The following LGI2 variants were observed in gnomAD, a reference collection of about 807,000 sequenced individuals.
LGI2 encodes the protein leucine rich repeat LGI family member 2.
In LGI2, 30 loss-of-function variants were observed where a neutral mutation model predicts 52.0. That is an observed-to-expected ratio of 0.58 (90% CI 0.43 to 0.78). The LOEUF (loss-of-function observed/expected upper bound fraction) is 0.78. Among genes scored for constraint, LGI2 ranks in the 30% least tolerant of loss-of-function variants. LGI2 has a pLI of 0.00. For synonymous variants in LGI2, 270 were observed against 271.8 expected, an observed-to-expected ratio of 0.99 and a Z score of 0.06; for missense variants, 573 against 692.5, an observed-to-expected ratio of 0.83 and a Z score of 1.94.
chr4:25,016,764 G>A (rs1725776028), intron 6 of LGI2, among the ~76,000 whole-genome samples: 1 of 152,196 alleles, frequency 6.6e-6, no homozygotes, highest in African/African-American at 2.4e-5. Flanking sequence ...ATGATATTTT[G>A]TTCTTGGAGT....
At chr4:24,995,456 A>G (rs1725043074), downstream of LGI2, among the ~76,000 whole-genome samples, 1 of 152,222 alleles carries the variant, frequency 6.6e-6, no homozygotes, top group Non-Finnish European at 1.5e-5. Context: ...GTCTGTGATC[A>G]TCTGAAGGCT....
At chr4:25,024,673 G>C in intron 4 of LGI2, 147 bp downstream of exon 4, 1 of 557,932 alleles carries the variant, frequency 1.8e-6, no homozygotes. Context: ...CAATGAGCCA[G>C]TGTCTGACTG....
chr4:25,030,310 C>G (rs1200495763), intron 1 of LGI2, among the ~76,000 whole-genome samples, 187 bp downstream of exon 1: 1 of 152,204 alleles, frequency 6.6e-6, no homozygotes, highest in Non-Finnish European at 1.5e-5. Flanking sequence ...TTCCCAGATT[C>G]TGGGGCTCAG....
At chr4:25,027,030 G>T in intron 2 of LGI2, 91 bp from the exon 3 acceptor site, 1 of 1,014,736 alleles carries the variant, frequency 9.9e-7, no homozygotes, top group Non-Finnish European at 1.6e-6. Context: ...GTTTTGATCT[G>T]TGGGCAAACA....
intron 6 of LGI2, among the ~76,000 whole-genome samples, chr4:25,016,998 T>C (rs1214342384): frequency 6.6e-6 from 1 of 152,224 alleles, no homozygotes; most frequent in Non-Finnish European, 1.5e-5. Context: ...CCAATACCTT[T>C]GGCCCCATGT....
At chr4:25,024,332 A>G (rs745921904) in intron 4 of LGI2, among the ~76,000 whole-genome samples, 2 of 152,130 alleles carry the variant, frequency 1.3e-5, no homozygotes, top group Non-Finnish European at 2.9e-5. Flanking sequence ...TGGCCAACAT[A>G]GTGAGGCCCC....
chr4:25,007,592 T>C (rs1293636777), intron 7 of LGI2, among the ~76,000 whole-genome samples: 1 of 81,460 alleles, frequency 1.2e-5, no homozygotes, highest in African/African-American at 3.2e-5. Context: ...TGTGTGTGTG[T>C]GTGTGTGTGT....
Position 25,001,632 on chromosome 4 carries a change from G to A in LGI2, c.*1819C>T, listed in dbSNP as rs184147846. 7.3e-4 allele frequency: 111 copies of A among 152,302 alleles called. 1 individual carries two copies. The highest frequency in any genetic ancestry group is 2.6e-3 in the Admixed American group (40 of 15,304). The allele number at this position is 152,302 out of a possible 1,614,324, so 9.4% of individuals were successfully genotyped here. A position where few individuals can be genotyped will look rare whatever the true frequency, so the allele number is the denominator to read the frequency against. On this transcript the variant is annotated 3_prime_UTR_variant, in exon 8 of 8. Transcript: ENST00000382114. Reference sequence around the variant, plus strand: ...AAACCACTTTTCTCCTGTTTGCTTGGTATTTTGCAGAAGTTTCAAGTAACA... The same window carrying A: ...AAACCACTTTTCTCCTGTTTGCTTGATATTTTGCAGAAGTTTCAAGTAACA...
chr4:24,997,971 G>A (rs1725131916), downstream of LGI2, among the ~76,000 whole-genome samples: 1 of 152,072 alleles, frequency 6.6e-6, no homozygotes, highest in Admixed American at 6.5e-5. Context: ...TCAAACTCCT[G>A]GGCTCAAGGG....
At chr4:24,995,265 C>T (rs1398747874), downstream of LGI2, among the ~76,000 whole-genome samples, 4 of 152,186 alleles carry the variant, frequency 2.6e-5, no homozygotes, top group Non-Finnish European at 5.9e-5. Context: ...TTGGCAGCAA[C>T]CTCATTCCTA....
chr4:25,010,583 G>C (rs1725547872), intron 7 of LGI2, among the ~76,000 whole-genome samples: 1 of 152,240 alleles, frequency 6.6e-6, no homozygotes, highest in African/African-American at 2.4e-5. Context: ...GACCACGGCA[G>C]AGTTGGGAGT....
At chr4:25,023,313 T>C (rs16876650) in intron 4 of LGI2, among the ~76,000 whole-genome samples, 41,113 of 152,102 alleles carry the variant, frequency 0.27, 5,826 homozygotes, top group Middle Eastern at 0.42. Context: ...AAGCCCACAA[T>C]TGTAGTCTCT....
In LGI2 at chr4:25,015,365, G is replaced by A. The variant is rs144707445; in HGVS notation, c.655+2624C>T. ...TACCCACCTAACACAGGGAATCATCGGTAGGTAACAGGGACTTTTGAGGTG... is the reference window on the plus strand; with the variant it reads ...TACCCACCTAACACAGGGAATCATCAGTAGGTAACAGGGACTTTTGAGGTG... On this transcript the variant is annotated intron_variant, in intron 6 of 7. Coordinates refer to ENST00000382114, the MANE Select transcript of LGI2 (RefSeq NM_018176.4). 8.5e-5 allele frequency among the ~76,000 whole-genome samples: 13 copies of A among 152,270 alleles called. No homozygotes were observed. The East Asian group carries it at 2.3e-3, about 27-fold the overall frequency.
At chr4:25,027,299 A>G (rs1726182299) in intron 2 of LGI2, among the ~76,000 whole-genome samples, 1 of 152,184 alleles carries the variant, frequency 6.6e-6, no homozygotes, top group African/African-American at 2.4e-5. Flanking sequence ...TAGAGATCTA[A>G]AAAGATCTAA....
intron 4 of LGI2, among the ~76,000 whole-genome samples, chr4:25,023,426 T>A (rs1253749130): frequency 1.3e-5 from 2 of 152,222 alleles, no homozygotes; most frequent in African/African-American, 4.8e-5. Flanking sequence ...TCAACTATGC[T>A]GACACAGATG....
At chr4:25,013,835 G>T (rs188073111) in intron 6 of LGI2, among the ~76,000 whole-genome samples, 2 of 152,200 alleles carry the variant, frequency 1.3e-5, no homozygotes, top group African/African-American at 2.4e-5. Flanking sequence ...AATAATAGTT[G>T]CTTGGTCAAA....
At chr4:25,027,086 C>T (rs1320849560) in intron 2 of LGI2, 147 bp from the exon 3 acceptor site, 2 of 637,970 alleles carry the variant, frequency 3.1e-6, no homozygotes, top group Non-Finnish European at 5.6e-6. Flanking sequence ...TGTCAAAAAC[C>T]TGATTCTCAC....
intron 6 of LGI2, 112 bp downstream of exon 6, chr4:25,017,877 A>G: frequency 1.0e-6 from 1 of 957,498 alleles, no homozygotes; most frequent in African/African-American, 1.7e-5. Context: ...CTCTAAAACA[A>G]TTTTGATAAA....
At chr4:25,030,082 C>G (rs1428159095) in intron 1 of LGI2, among the ~76,000 whole-genome samples, 1 of 134,262 alleles carries the variant, frequency 7.4e-6, no homozygotes, top group East Asian at 2.1e-4. Context: ...CACACAACTC[C>G]AACCCGCAAA....
Sources: allele counts gnomAD v4.1 joint callset (sites outside exome capture counted in the v4.1 genomes callset), GRCh38; gene constraint gnomAD v4.1.1; transcripts MANE v1.5; gene names NCBI Gene and HGNC (gene_info 2026-07-23, HGNC 2026-07-21).